The following PARN variants were observed in gnomAD, a reference collection of about 807,000 sequenced individuals.
The protein encoded by PARN is poly(A)-specific ribonuclease.
In PARN, 71 loss-of-function variants were observed where a neutral mutation model predicts 102.8. The observed-to-expected ratio is 0.69, with a 90% CI of 0.57 to 0.84. PARN has a LOEUF of 0.84. Ranked by LOEUF, PARN falls within the 40% of genes least tolerant of loss-of-function variation. PARN has a pLI of 0.00. For missense variants in PARN, 782 were observed against 760.9 expected (o/e 1.03, Z -0.33); for synonymous variants, 261 against 252.9 (o/e 1.03, Z -0.30).
chr16:14,558,544 GAGA>G (rs1368792109), intron 18 of PARN: 1 of 150,466 alleles, frequency 6.6e-6, no homozygotes, highest in Non-Finnish European at 1.5e-5. Context: ...AAAAATAACT[GAGA>G]AGAACAAAAG....
At chr16:14,545,831 C>A (rs1404128175) in intron 21 of PARN, among the ~76,000 whole-genome samples, 1 of 152,092 alleles carries the variant, frequency 6.6e-6, no homozygotes, top group Non-Finnish European at 1.5e-5. Flanking sequence ...CTACCAACAA[C>A]CTCGAGGACG....
At chr16:14,452,317 A>G (rs1961498702) in intron 22 of PARN, among the ~76,000 whole-genome samples, 1 of 152,196 alleles carries the variant, frequency 6.6e-6, no homozygotes, top group African/African-American at 2.4e-5. Flanking sequence ...TCTTGTTTCT[A>G]TGGAACATTT....
At chr16:14,612,143 G>A (rs1307607731) in intron 6 of PARN, among the ~76,000 whole-genome samples, 3 of 152,144 alleles carry the variant, frequency 2.0e-5, no homozygotes, top group Admixed American at 2.0e-4. Flanking sequence ...GCAAAATCAA[G>A]AGTAACACCT....
chr16:14,625,254 T>C (rs1972572775), intron 5 of PARN, among the ~76,000 whole-genome samples: 1 of 151,456 alleles, frequency 6.6e-6, no homozygotes, highest in Non-Finnish European at 1.5e-5. Context: ...GCTCAGCACT[T>C]TGGGAGGCCA....
intron 21 of PARN, among the ~76,000 whole-genome samples, chr16:14,532,330 G>A (rs1342327135): frequency 1.3e-5 from 2 of 151,634 alleles, no homozygotes; most frequent in African/African-American, 2.4e-5. Context: ...GCGGCCTTCC[G>A]CAGTGTTTGT....
intron 21 of PARN, among the ~76,000 whole-genome samples, chr16:14,523,979 G>C (rs556688246): frequency 1.3e-5 from 2 of 151,748 alleles, no homozygotes; most frequent in Non-Finnish European, 2.9e-5. Flanking sequence ...TACTGAATAC[G>C]GTAGGCAACT....
intron 18 of PARN, among the ~76,000 whole-genome samples, chr16:14,570,078 C>T (rs1194444518): frequency 3.9e-5 from 6 of 151,936 alleles, no homozygotes; most frequent in South Asian, 2.1e-4. Context: ...CGGTGGCTCA[C>T]GCCTGTAATC....
intron 6 of PARN, among the ~76,000 whole-genome samples, chr16:14,613,560 T>C (rs540451268): frequency 6.6e-6 from 1 of 151,192 alleles, no homozygotes; most frequent in South Asian, 2.1e-4. Flanking sequence ...GAGGTAGAGG[T>C]TGCAGTGAGC....
At chr16:14,623,375 G>A (rs1408293892) in intron 5 of PARN, among the ~76,000 whole-genome samples, 1 of 151,784 alleles carries the variant, frequency 6.6e-6, no homozygotes, top group Non-Finnish European at 1.5e-5. Flanking sequence ...TTAGCTGGGC[G>A]TGTTAGCACA....
At chr16:14,595,825 C>T (rs576806383) in intron 12 of PARN, among the ~76,000 whole-genome samples, 2 of 151,956 alleles carry the variant, frequency 1.3e-5, no homozygotes, top group East Asian at 1.9e-4. Flanking sequence ...GCCACCACAC[C>T]CAGCCAATTT....
intron 22 of PARN, among the ~76,000 whole-genome samples, chr16:14,447,386 G>T (rs887278696): frequency 6.6e-6 from 1 of 152,148 alleles, no homozygotes; most frequent in Non-Finnish European, 1.5e-5. Flanking sequence ...TAAAACTATT[G>T]TAACAGAATA....
intron 21 of PARN, among the ~76,000 whole-genome samples, chr16:14,528,876 ATTACT>A (rs984627762): frequency 2.0e-5 from 3 of 152,190 alleles, no homozygotes; most frequent in African/African-American, 7.2e-5. Flanking sequence ...ATTACTAATG[ATTACT>A]TTATAAGTAT....
At chr16:14,492,035 G>C (rs374363030) in intron 21 of PARN, among the ~76,000 whole-genome samples, 2 of 152,250 alleles carry the variant, frequency 1.3e-5, no homozygotes, top group African/African-American at 4.8e-5. Context: ...ACTGATAGCA[G>C]AGGCTAACCC....
chr16:14,574,380 C>T (rs1371688272), intron 18 of PARN, among the ~76,000 whole-genome samples: 2 of 152,084 alleles, frequency 1.3e-5, no homozygotes, highest in African/African-American at 2.4e-5. Flanking sequence ...GGAAGTAGAG[C>T]ACAAAAGTTT....
At chr16:14,470,791 A>G (rs1191025265) in intron 22 of PARN, among the ~76,000 whole-genome samples, 2 of 151,480 alleles carry the variant, frequency 1.3e-5, no homozygotes, top group Admixed American at 1.3e-4. Flanking sequence ...ATACATATAG[A>G]TATTTTCTTT....
intron 20 of PARN, among the ~76,000 whole-genome samples, chr16:14,552,711 G>A (rs1403418240): frequency 1.3e-5 from 2 of 152,160 alleles, no homozygotes; most frequent in East Asian, 1.9e-4. Flanking sequence ...CACTTTGGGA[G>A]GCCGAGGTGG....
intron 12 of PARN, among the ~76,000 whole-genome samples, chr16:14,597,881 C>T (rs570872328): frequency 1.3e-5 from 2 of 152,288 alleles, no homozygotes; most frequent in East Asian, 3.9e-4. Flanking sequence ...TGGTGGCTCA[C>T]ACCTGTAAAC....
intron 22 of PARN, among the ~76,000 whole-genome samples, chr16:14,455,744 A>G (rs1439538657): frequency 6.6e-6 from 1 of 152,208 alleles, no homozygotes; most frequent in Non-Finnish European, 1.5e-5. Context: ...CACTTGCAAT[A>G]TGGTGACAGT....
intron 21 of PARN, among the ~76,000 whole-genome samples, chr16:14,494,282 T>C (rs977151199): frequency 2.0e-5 from 3 of 152,108 alleles, no homozygotes; most frequent in Admixed American, 6.5e-5. Context: ...CTTCTAAAAC[T>C]AGGCAACTGA....
Sources: gnomAD v4.1 joint callset for allele counts (sites outside exome capture counted in the v4.1 genomes callset) on GRCh38, gnomAD v4.1.1 for gene constraint, MANE v1.5 for transcripts, NCBI Gene and HGNC (gene_info 2026-07-23, HGNC 2026-07-21) for gene names.